The following PKHD1 variants were observed in gnomAD, a reference collection of about 807,000 sequenced individuals.
PKHD1 encodes the protein PKHD1 ciliary IPT domain containing fibrocystin/polyductin.
In PKHD1, 291 loss-of-function variants were observed where a neutral mutation model predicts 412.0. That is an observed-to-expected ratio of 0.71 (90% CI 0.64 to 0.78). The LOEUF (loss-of-function observed/expected upper bound fraction) is 0.78. PKHD1 is among the 30% of genes least tolerant of loss of function. The pLI, the probability that PKHD1 is intolerant of heterozygous loss-of-function variation, is 0.00. For synonymous variants in PKHD1, 1,777 were observed against 1,821.5 expected, an observed-to-expected ratio of 0.98 and a Z score of 0.62; for missense variants, 4,825 against 4,950.7, an observed-to-expected ratio of 0.97 and a Z score of 0.76.
Position 52,028,383 on chromosome 6 carries a change from A to T in PKHD1, c.3365-32T>A, listed in dbSNP as rs139697312. ...TGAGAAGAATCCAATAGCCTCTGAC[A>T]TGTGGGGTTTGTGGGCTCAACCATC... On this transcript the variant is annotated intron_variant, in intron 29 of 66. Coordinates refer to ENST00000371117, the MANE Select transcript of PKHD1 (RefSeq NM_138694.4). 1,410 of 1,601,148 alleles carry T rather than the reference A, an allele frequency of 8.8e-4. 23 individuals are homozygous for T. In the East Asian group the frequency reaches 0.027, roughly 30 times the overall value.
chr6:51,626,920 G>C, intron 66 of PKHD1, 77 bp downstream of exon 66: 2 of 1,493,656 alleles, frequency 1.3e-6, no homozygotes, highest in Non-Finnish European at 1.9e-6. Context: ...TTCAGAGACA[G>C]AGCTGAAGGA....
intron 52 of PKHD1, among the ~76,000 whole-genome samples, chr6:51,800,967 A>G (rs529301941): frequency 8.3e-4 from 126 of 152,268 alleles, no homozygotes; most frequent in African/African-American, 2.8e-3. Flanking sequence ...TTCTACATTC[A>G]GCCTTGGCTC....
chr6:51,928,841 G>A (rs981650435), intron 37 of PKHD1, among the ~76,000 whole-genome samples: 1 of 152,152 alleles, frequency 6.6e-6, no homozygotes, highest in East Asian at 1.9e-4. Context: ...GACCCTTGAA[G>A]ACAGTCACGT....
At chr6:51,839,333 C>T (rs535397880) in intron 50 of PKHD1, among the ~76,000 whole-genome samples, 3 of 152,286 alleles carry the variant, frequency 2.0e-5, no homozygotes, top group South Asian at 4.1e-4. Context: ...GGTTAATCTT[C>T]CGTGTTTATA....
At chr6:52,075,445 A>G (rs573180461) in intron 6 of PKHD1, among the ~76,000 whole-genome samples, 2 of 152,332 alleles carry the variant, frequency 1.3e-5, no homozygotes, top group Admixed American at 1.3e-4. Flanking sequence ...AAAACCTTAA[A>G]TAAAGGTAGG....
chr6:51,716,213 G>T (rs1781238208), intron 60 of PKHD1, among the ~76,000 whole-genome samples: 1 of 152,106 alleles, frequency 6.6e-6, no homozygotes, highest in Non-Finnish European at 1.5e-5. Flanking sequence ...TGTGAATAAG[G>T]CTGGCTTTGC....
At chr6:52,023,479 G>A (rs1358406738) in intron 32 of PKHD1, among the ~76,000 whole-genome samples, 1 of 152,036 alleles carries the variant, frequency 6.6e-6, no homozygotes, top group Non-Finnish European at 1.5e-5. Flanking sequence ...TTCCATTATA[G>A]GGCCCTGCTA....
In PKHD1 at chr6:51,867,996, T is replaced by C. The variant is rs1392464284; in HGVS notation, c.7600A>G (p.Lys2534Glu). The change falls in exon 48 of 67, where the codon AAA (lysine) becomes GAA (glutamate). Residue 2534 changes from lysine to glutamate, a missense_variant. Coordinates refer to ENST00000371117, the MANE Select transcript of PKHD1 (RefSeq NM_138694.4). The stretch of plus-strand genomic sequence containing the variant: ...GAAGCAAGAATGTGACTTCTGTTTT[T>C]CCCAGACAGAGACCCATCCAAGTCT... The part of the protein sequence containing the change: ...LEDLDGSLSG[K>E]NRSHILASME... The C allele has an allele frequency of 1.2e-6, 2 of 1,613,244 alleles. No individual in the cohort carries two copies. Among genetic ancestry groups the C allele is most frequent in the Non-Finnish European group, 1.7e-6 (2 of 1,179,352 alleles).
chr6:51,678,079 T>C (rs12200697), intron 60 of PKHD1, among the ~76,000 whole-genome samples: 23,640 of 152,146 alleles, frequency 0.16, 2,297 homozygotes, highest in Non-Finnish European at 0.22. Context: ...ATTTTATTAT[T>C]TGAATATTAC....
At chr6:51,929,735 C>A (rs1786281703) in intron 37 of PKHD1, among the ~76,000 whole-genome samples, 1 of 152,220 alleles carries the variant, frequency 6.6e-6, no homozygotes, top group Non-Finnish European at 1.5e-5. Context: ...CTTATTTAGA[C>A]CACTGCTTTT....
In PKHD1 at chr6:52,017,495, T is replaced by G; in HGVS notation, c.5515A>C (p.Ile1839Leu). ...QLLESWPYLY[I>L]CEESSQCLFV... is the part of the protein sequence containing the mutation. ...AGGCATTGGGAACTTTCCTCGCAAA[T>G]GTAGAGGTAAGGCCACGATTCAAGC... Residue 1839 changes from isoleucine to leucine, a missense_variant, in exon 34 of 67, where the codon ATT becomes CTT. Ile to Leu is a conservative substitution (Grantham distance 5, BLOSUM62 2). Coordinates refer to ENST00000371117, the MANE Select transcript of PKHD1 (RefSeq NM_138694.4). 5.6e-6 allele frequency: 9 copies of G among 1,614,122 alleles called. No homozygotes were observed. The highest frequency in any genetic ancestry group is 7.6e-6 in the Non-Finnish European group (9 of 1,179,940).
In PKHD1 at chr6:51,783,317, G is replaced by A. The variant is rs10948645; in HGVS notation, c.8441-7396C>T. Among the ~76,000 whole-genome samples the A allele has an allele frequency of 1.4e-4, 21 of 148,708 alleles. No individual in the cohort carries two copies. The East Asian group carries it at 4.2e-3, about 30-fold the overall frequency. ...AAACTTTAAATATCCATTAGGATATGTGTTTCAAAAATGTATTTTTACAAT... is the reference window on the plus strand; with the variant it reads ...AAACTTTAAATATCCATTAGGATATATGTTTCAAAAATGTATTTTTACAAT... On this transcript the variant is annotated intron_variant, in intron 53 of 66. Coordinates refer to ENST00000371117, the MANE Select transcript of PKHD1 (RefSeq NM_138694.4).
intron 35 of PKHD1, among the ~76,000 whole-genome samples, chr6:52,009,003 T>C (rs73433729): frequency 6.6e-6 from 1 of 152,144 alleles, no homozygotes; most frequent in Non-Finnish European, 1.5e-5. Context: ...GATCACCCAG[T>C]GTCACACAGC....
At chr6:51,881,271 C>T (rs976837656) in intron 46 of PKHD1, among the ~76,000 whole-genome samples, 3 of 151,840 alleles carry the variant, frequency 2.0e-5, no homozygotes, top group Non-Finnish European at 1.5e-5. Flanking sequence ...AGATTTACAA[C>T]ATATTACAGG....
intron 47 of PKHD1, among the ~76,000 whole-genome samples, chr6:51,868,847 C>G (rs917742537): frequency 2.0e-5 from 3 of 152,040 alleles, no homozygotes; most frequent in African/African-American, 7.2e-5. Context: ...TCCCCAACAC[C>G]ACTGCCATGT....
At chr6:51,851,649 A>C (rs1034848747) in intron 49 of PKHD1, among the ~76,000 whole-genome samples, 3 of 152,094 alleles carry the variant, frequency 2.0e-5, no homozygotes, top group East Asian at 3.8e-4. Context: ...GGGTGTATGC[A>C]TCCAGGAATT....
intron 37 of PKHD1, 67 bp from the exon 38 acceptor site, chr6:51,912,643 C>T (rs1583333742): frequency 9.2e-7 from 1 of 1,085,528 alleles, no homozygotes; most frequent in South Asian, 1.3e-5. Context: ...TTAATTTAAT[C>T]ATTAATAAAT....
intron 49 of PKHD1, among the ~76,000 whole-genome samples, chr6:51,850,407 T>C (rs570069082): frequency 6.6e-6 from 1 of 152,340 alleles, no homozygotes; most frequent in African/African-American, 2.4e-5. Context: ...AAATTTAAAA[T>C]GTTTTTTTCT....
intron 60 of PKHD1, among the ~76,000 whole-genome samples, chr6:51,690,012 G>T (rs564597455): frequency 1.3e-4 from 19 of 151,936 alleles, no homozygotes; most frequent in Non-Finnish European, 2.2e-4. Context: ...GGTGGCTCAC[G>T]CCTGTAATCC....
Sources: gnomAD v4.1 joint callset for allele counts (sites outside exome capture counted in the v4.1 genomes callset) on GRCh38, gnomAD v4.1.1 for gene constraint, MANE v1.5 for transcripts, NCBI Gene and HGNC (gene_info 2026-07-23, HGNC 2026-07-21) for gene names.